Variants in VXN observed in about 807,000 individuals in gnomAD.
VXN encodes the protein vexin, also known as uncharacterized protein C8orf46.
In VXN, 7 loss-of-function variants were observed where a neutral mutation model predicts 23.1. That is an observed-to-expected ratio of 0.30 (90% confidence interval 0.17 to 0.57). The LOEUF (loss-of-function observed/expected upper bound fraction) is 0.57, where lower values mean the gene tolerates loss of function less well. Among genes scored for constraint, VXN ranks in the 20% least tolerant of loss-of-function variants. The pLI, the probability that VXN is intolerant of heterozygous loss-of-function variation, is 0.91. For synonymous variants in VXN, 120 were observed against 105.8 expected, an observed-to-expected ratio of 1.13 and a Z score of -0.83; for missense variants, 238 against 272.6, an observed-to-expected ratio of 0.87 and a Z score of 0.89.
chr8:66,505,581 C>T (rs1046172161), intron 3 of VXN, 53 bp downstream of exon 3: 32 of 1,431,850 alleles, frequency 2.2e-5, no homozygotes, highest in Non-Finnish European at 2.8e-5. Context: ...CAGAGACCCA[C>T]TCAGAGCCAC....
intron 4 of VXN, among the ~76,000 whole-genome samples, chr8:66,510,828 A>C (rs1807813406): frequency 6.6e-6 from 1 of 152,154 alleles, no homozygotes; most frequent in African/African-American, 2.4e-5. Flanking sequence ...CTTATCATAG[A>C]GTCTCCACCA....
chr8:66,510,109 A>T lies in VXN; in HGVS notation c.294A>T (p.Glu98Asp), dbSNP rs754949315. Residue 98 changes from glutamate to aspartate, a missense_variant, in exon 4 of 6, where the codon GAA (glutamate) becomes GAT (aspartate). Physicochemically the swap from Glu to Asp is conservative, Grantham distance 45. This residue lies in a region of VXN where 223 missense variants were observed against 236.9 expected (regional missense o/e 0.94). Transcript: ENST00000305454. ...TCAACATTGCAGTGGGGATTTCTGAACCCAAAACATCAAATCTGTGTGGGA... is the reference window on the plus strand; with the variant it reads ...TCAACATTGCAGTGGGGATTTCTGATCCCAAAACATCAAATCTGTGTGGGA... ...KASARPVGISEPKTSNLCGNR... is the reference protein window; with the variant it reads ...KASARPVGISDPKTSNLCGNR... 5.6e-6 allele frequency: 9 copies of T among 1,613,904 alleles called. No individual in the cohort carries two copies. In the African/African-American group the frequency reaches 1.2e-4, roughly 22 times the overall value.
At chr8:66,498,825 A>G (rs1032519979) in intron 2 of VXN, 1 of 456,428 alleles carries the variant, frequency 2.2e-6, no homozygotes, top group Admixed American at 2.4e-5. Flanking sequence ...ATATTTACAG[A>G]CTCTACTTGA....
At chr8:66,506,225 GAGAGAC>G (rs1335190395) in intron 3 of VXN, among the ~76,000 whole-genome samples, 2 of 143,468 alleles carry the variant, frequency 1.4e-5, no homozygotes, top group Non-Finnish European at 3.0e-5. Flanking sequence ...GAGAGAGAGA[GAGAGAC>G]AGTGTGTGTG....
chr8:66,510,548 A>G (rs564550218), intron 4 of VXN, among the ~76,000 whole-genome samples: 10 of 152,366 alleles, frequency 6.6e-5, no homozygotes, highest in South Asian at 2.1e-4. Context: ...GCTCTCGAGC[A>G]CTATGAAACA....
chr8:66,505,511 A>G lies in VXN; in HGVS notation c.263A>G (p.Lys88Arg). Residue 88 changes from lysine (K) to arginine (R), a missense_variant, in exon 3 of 6, where the codon AAA (lysine) becomes AGA (arginine). Transcript: ENST00000305454. Reference sequence around the variant, plus strand: ...CGGCCGCCCACAGCCCACCCGGCCAAAGCCTCTGCCAGACCCGGTACGTGA... The same window carrying G: ...CGGCCGCCCACAGCCCACCCGGCCAGAGCCTCTGCCAGACCCGGTACGTGA... The part of the protein sequence containing the change: ...TARPPTAHPA[K>R]ASARPVGISE... The G allele has an allele frequency of 6.5e-7, 1 of 1,538,546 alleles. No individual in the cohort carries two copies. Among genetic ancestry groups the G allele is most frequent in the Non-Finnish European group, 8.7e-7 (1 of 1,146,206 alleles).
chr8:66,501,550 G>C (rs529690334), intron 2 of VXN, among the ~76,000 whole-genome samples: 1 of 152,320 alleles, frequency 6.6e-6, no homozygotes, highest in South Asian at 2.1e-4. Context: ...TTTCACCACA[G>C]ATCTTTCAGT....
At chr8:66,506,232 A>AGTGTGTGTGT (rs61613088) in intron 3 of VXN, among the ~76,000 whole-genome samples, 3,000 of 140,394 alleles carry the variant, frequency 0.021, 67 homozygotes, top group African/African-American at 0.045. Flanking sequence ...AGAGAGAGAC[A>AGTGTGTGTGT]GTGTGTGTGT....
chr8:66,503,428 A>AC (rs1314315069), intron 2 of VXN: 1 of 152,078 alleles, frequency 6.6e-6, no homozygotes, highest in Non-Finnish European at 1.5e-5. Flanking sequence ...AAATAAGGAG[A>AC]AGTGTGAATC....
rs2130564524 is a variant in VXN, at chr8:66,516,986, G to A, written c.*910G>A. On this transcript the variant is annotated 3_prime_UTR_variant, in exon 6 of 6. Coordinates refer to ENST00000305454, the MANE Select transcript of VXN (RefSeq NM_152765.4). Reference sequence around the variant, plus strand: ...TGACTTGGGGAAGTTTTTAAATGGTGAGAGTGTGTCTCTGGGGGCAACCAT... The same window carrying A: ...TGACTTGGGGAAGTTTTTAAATGGTAAGAGTGTGTCTCTGGGGGCAACCAT... 6.6e-6 allele frequency: 1 copy of A among 152,296 alleles called. No homozygotes were observed. The highest frequency in any genetic ancestry group is 1.9e-4 in the East Asian group (1 of 5,184). 9.4% of individuals were successfully genotyped at this position (152,296 alleles called of 1,614,324 possible).
Position 66,516,093 on chromosome 8 carries a change from G to C in VXN, c.*17G>C. 6.3e-7 allele frequency: 1 copy of C among 1,582,466 alleles called. No individual in the cohort carries two copies. Among genetic ancestry groups the C allele is most frequent in the Non-Finnish European group, 8.6e-7 (1 of 1,168,352 alleles). ...GCCGACTAAAGGTGACCCTCTTCAA[G>C]TGCCCTGTGTTGGCCAAGGTTCCCC... is the stretch of plus-strand genomic sequence containing the variant. On this transcript the variant is annotated 3_prime_UTR_variant, in exon 6 of 6. Transcript: ENST00000305454.
At chr8:66,513,671 G>A (rs369914090) in intron 5 of VXN, 34 bp downstream of exon 5, 50 of 1,568,976 alleles carry the variant, frequency 3.2e-5, no homozygotes, top group Non-Finnish European at 4.3e-5. Flanking sequence ...ACTGCCTGTG[G>A]CCTCCCACTG....
At chr8:66,504,542 C>A (rs1017900280) in intron 2 of VXN, among the ~76,000 whole-genome samples, 1 of 152,168 alleles carries the variant, frequency 6.6e-6, no homozygotes, top group Admixed American at 6.5e-5. Context: ...CAAGTTTTTA[C>A]ACTTAAATTA....
intron 4 of VXN, 21 bp from the exon 5 acceptor site, chr8:66,513,519 C>T: frequency 1.2e-6 from 2 of 1,607,562 alleles, no homozygotes; most frequent in Non-Finnish European, 1.7e-6. Context: ...CCTCACACTC[C>T]CTCCCGCTTC....
chr8:66,496,502 C>A lies in VXN; in HGVS notation c.126+10C>A. The A allele has an allele frequency of 6.2e-7, 1 of 1,613,530 alleles. No homozygotes were observed. The highest frequency in any genetic ancestry group is 8.5e-7 in the Non-Finnish European group (1 of 1,179,452). On this transcript the variant is annotated intron_variant, in intron 2 of 5. Transcript: ENST00000305454. ...CCTCTTGACCAAGAATGTAAGGAAA[C>A]TTTAGTTTTGATGTTCTTTGGTTGA...
At chr8:66,503,088 C>T (rs1229699580) in intron 2 of VXN, among the ~76,000 whole-genome samples, 1 of 152,080 alleles carries the variant, frequency 6.6e-6, no homozygotes, top group Non-Finnish European at 1.5e-5. Context: ...GTTCAATGAT[C>T]CGCCACCTCA....
chr8:66,516,111 G>C lies in VXN; in HGVS notation c.*35G>C. 6.5e-7 allele frequency: 1 copy of C among 1,546,188 alleles called. No homozygotes were observed. Among genetic ancestry groups the C allele is most frequent in the Non-Finnish European group, 8.7e-7 (1 of 1,151,814 alleles). ...TCTTCAAGTGCCCTGTGTTGGCCAA[G>C]GTTCCCCGGACAAGAGGAAAAACCT... On this transcript the variant is annotated 3_prime_UTR_variant, in exon 6 of 6. Coordinates refer to ENST00000305454, the MANE Select transcript of VXN (RefSeq NM_152765.4).
At chr8:66,505,348 G>A (rs755548069) in intron 2 of VXN, 27 bp from the exon 3 acceptor site, 3 of 1,568,628 alleles carry the variant, frequency 1.9e-6, no homozygotes, top group Non-Finnish European at 1.7e-6. Flanking sequence ...AGAGGAGTGG[G>A]CTAACCGCGT....
intron 3 of VXN, among the ~76,000 whole-genome samples, chr8:66,506,232 A>AGTGTGTGTGTGTGTGTGTGT (rs61613088): frequency 5.1e-4 from 72 of 140,432 alleles, no homozygotes; most frequent in African/African-American, 1.2e-3. Flanking sequence ...AGAGAGAGAC[A>AGTGTGTGTGTGTGTGTGTGT]GTGTGTGTGT....
Sources: allele counts gnomAD v4.1 joint callset (sites outside exome capture counted in the v4.1 genomes callset), GRCh38; gene constraint gnomAD v4.1.1; regional missense constraint gnomAD v4.1.1; transcripts MANE v1.5; gene names NCBI Gene and HGNC (gene_info 2026-07-23, HGNC 2026-07-21).